The following THUMPD2 variants were observed in gnomAD, a reference collection of about 807,000 sequenced individuals.
The protein encoded by THUMPD2 is THUMP domain 2 tRNA and snRNA guanosine methyltransferase.
Under a neutral mutation model 49.4 loss-of-function variants are expected in THUMPD2, and 56 were observed. The observed-to-expected ratio is 1.13, with a 90% CI of 0.91 to 1.41. The LOEUF (loss-of-function observed/expected upper bound fraction) is 1.41, where lower values mean the gene tolerates loss of function less well. Ranked by LOEUF, THUMPD2 falls within the 40% of genes most tolerant of loss-of-function variation. The pLI is 0.00. For synonymous variants in THUMPD2, 237 were observed against 205.2 expected, an observed-to-expected ratio of 1.15 and a Z score of -1.32; for missense variants, 709 against 594.5, an observed-to-expected ratio of 1.19 and a Z score of -2.00.
chr2:39,769,428 A>C (rs1054122718), intron 3 of THUMPD2: 114 of 323,404 alleles, frequency 3.5e-4, no homozygotes, highest in Non-Finnish European at 7.3e-5. Flanking sequence ...CAGGCCAGGC[A>C]TGGTGGCTCC....
intron 3 of THUMPD2, 53 bp downstream of exon 3, chr2:39,769,657 T>TGCAACTGCATTCCAGCCTGG: frequency 6.8e-7 from 1 of 1,461,342 alleles, no homozygotes; most frequent in Non-Finnish European, 9.0e-7. Context: ...AGCCAGATTG[T>TGCAACTGCATTCCAGCCTGG]GCAACTGCAT....
chr2:39,766,935 G>A (rs1677598791), intron 4 of THUMPD2, among the ~76,000 whole-genome samples: 1 of 152,036 alleles, frequency 6.6e-6, no homozygotes, highest in East Asian at 1.9e-4. Context: ...ATGCATTTTA[G>A]CAAAACTATT....
chr2:39,765,976 A>T, intron 5 of THUMPD2, 81 bp downstream of exon 5: 1 of 1,116,338 alleles, frequency 9.0e-7, no homozygotes, highest in Non-Finnish European at 1.3e-6. Context: ...TGAATGCTTC[A>T]TTCATGCTGT....
chr2:39,768,816 A>G, intron 3 of THUMPD2: 2 of 1,034,656 alleles, frequency 1.9e-6, no homozygotes, highest in Non-Finnish European at 2.6e-6. Flanking sequence ...GTTTCAGGAA[A>G]TAGATGCAAG....
At chr2:39,768,805 G>T (rs1677896420) in intron 3 of THUMPD2, 2 of 918,054 alleles carry the variant, frequency 2.2e-6, no homozygotes, top group Non-Finnish European at 3.0e-6. Context: ...GATCATTCTG[G>T]GTTTCAGGAA....
At chr2:39,763,578 A>C (rs936315755) in intron 5 of THUMPD2, among the ~76,000 whole-genome samples, 1 of 152,182 alleles carries the variant, frequency 6.6e-6, no homozygotes, top group African/African-American at 2.4e-5. Context: ...ATCTGAAATT[A>C]TTCTAGACTC....
chr2:39,746,176 C>T (rs766909778), intron 8 of THUMPD2, among the ~76,000 whole-genome samples: 5 of 152,138 alleles, frequency 3.3e-5, no homozygotes, highest in African/African-American at 9.7e-5. Context: ...GAAACCAGTG[C>T]GCCATCCTTC....
intron 8 of THUMPD2, among the ~76,000 whole-genome samples, chr2:39,746,089 T>C (rs940280688): frequency 6.6e-6 from 1 of 152,226 alleles, no homozygotes; most frequent in Admixed American, 6.5e-5. Context: ...AAGTGAGCAT[T>C]CAGTAACCGT....
In THUMPD2 at chr2:39,755,956, C is replaced by G. The variant is rs367990517; in HGVS notation, c.896G>C (p.Gly299Ala). The G allele has an allele frequency of 6.7e-5, 108 of 1,613,504 alleles. No individual in the cohort carries two copies. Among genetic ancestry groups the G allele is most frequent in the Non-Finnish European group, 8.8e-5 (104 of 1,179,722 alleles). Residue 299 changes from glycine to alanine, a missense_variant, in exon 7 of 10, where the codon GGT (glycine) becomes GCT (alanine). By Grantham distance (60) the Gly-to-Ala change is moderately conservative. Transcript: ENST00000505747. ...ACACATTGGATCTAAAACAAATGCA[C>G]CAGCCTGCAGACAGAAATATTAATT... ...AMASLADIKA[G>A]AFVLDPMCGL...
intron 5 of THUMPD2, among the ~76,000 whole-genome samples, chr2:39,762,253 A>G (rs1223975836): frequency 1.3e-5 from 2 of 152,168 alleles, no homozygotes; most frequent in Non-Finnish European, 1.5e-5. Context: ...AAAACCAGCA[A>G]AAGAGGTCTT....
At chr2:39,752,169 C>G (rs142554426) in intron 8 of THUMPD2, among the ~76,000 whole-genome samples, 2,819 of 152,302 alleles carry the variant, frequency 0.019, 48 homozygotes, top group South Asian at 0.056. Flanking sequence ...CCAGTGCTTA[C>G]AGATGTCTTA....
At chr2:39,746,993 C>G (rs773530409) in intron 8 of THUMPD2, among the ~76,000 whole-genome samples, 2 of 152,184 alleles carry the variant, frequency 1.3e-5, no homozygotes, top group Non-Finnish European at 2.9e-5. Flanking sequence ...ATCCTTATCA[C>G]TAATCATTTT....
intron 1 of THUMPD2, among the ~76,000 whole-genome samples, chr2:39,776,242 T>A (rs1679074465): frequency 6.6e-6 from 1 of 152,156 alleles, no homozygotes; most frequent in African/African-American, 2.4e-5. Flanking sequence ...ATCCAGGGAC[T>A]TATGAAGAAA....
chr2:39,742,111 G>C (rs2241115), intron 9 of THUMPD2, among the ~76,000 whole-genome samples: 101,480 of 151,832 alleles, frequency 0.67, 34,450 homozygotes, highest in East Asian at 0.83. Flanking sequence ...AGAGCCAAGA[G>C]TGGAACTCAG....
intron 1 of THUMPD2, among the ~76,000 whole-genome samples, chr2:39,773,611 AT>A (rs1678659468): frequency 8.0e-5 from 11 of 138,178 alleles, no homozygotes; most frequent in Admixed American, 7.2e-4. Context: ...TTTTAAAAAT[AT>A]ATATATATTT....
chr2:39,755,388 C>G lies in THUMPD2; in HGVS notation c.985G>C (p.Asp329His). 6.4e-7 allele frequency: 1 copy of G among 1,565,060 alleles called. No homozygotes were observed. ...EWPDVYYVGA[D>H]VSDSQLLGTW... The stretch of plus-strand genomic sequence containing the variant: ...CCTAGTAACTGTGAGTCGCTGACAT[C>G]AGCACCTACATAATACACATCCTAT... The change falls in exon 8 of 10, where the codon GAT (aspartate) becomes CAT (histidine). Residue 329 changes from aspartate to histidine, a missense_variant. Physicochemically the swap from Asp to His is moderately conservative, Grantham distance 81. Coordinates refer to ENST00000505747, the MANE Select transcript of THUMPD2 (RefSeq NM_025264.5).
chr2:39,745,294 T>G (rs1674419773), intron 8 of THUMPD2, among the ~76,000 whole-genome samples: 1 of 152,202 alleles, frequency 6.6e-6, no homozygotes. Flanking sequence ...GGTAGGAAAT[T>G]TAGCAACAAA....
Position 39,755,294 on chromosome 2 carries a change from C to T in THUMPD2, c.1078+1G>A, listed in dbSNP as rs1413582361. ...ATTGTTTTGCATTTTTAGTATCTTACCTATAACAGAGATTTTAAGTAATTC... is the reference window on the plus strand; with the variant it reads ...ATTGTTTTGCATTTTTAGTATCTTATCTATAACAGAGATTTTAAGTAATTC... On this transcript the variant is annotated splice_donor_variant, in intron 8 of 9. Coordinates refer to ENST00000505747, the MANE Select transcript of THUMPD2 (RefSeq NM_025264.5). LOFTEE classifies it high-confidence loss of function. The T allele has an allele frequency of 1.3e-6, 2 of 1,525,366 alleles. No individual in the cohort carries two copies. Among genetic ancestry groups the T allele is most frequent in the Non-Finnish European group, 1.8e-6 (2 of 1,139,986 alleles). 94.5% of individuals were successfully genotyped at this position (1,525,366 alleles called of 1,614,324 possible).
intron 2 of THUMPD2, among the ~76,000 whole-genome samples, 164 bp downstream of exon 2, chr2:39,771,341 A>G (rs572192247): frequency 6.6e-6 from 1 of 152,170 alleles, no homozygotes; most frequent in East Asian, 1.9e-4. Flanking sequence ...ATTCTACTAC[A>G]ATCAGGTGAT....
Sources: gnomAD v4.1 joint callset for allele counts (sites outside exome capture counted in the v4.1 genomes callset) on GRCh38, gnomAD v4.1.1 for gene constraint, MANE v1.5 for transcripts, NCBI Gene and HGNC (gene_info 2026-07-23, HGNC 2026-07-21) for gene names.